The following CASD1 variants were observed in gnomAD, a reference collection of about 807,000 sequenced individuals.
CASD1 encodes CAS1 domain sialic acid O acetyltransferase 1.
Under a neutral mutation model 100.0 loss-of-function variants are expected in CASD1, and 41 were observed. The ratio of observed to expected loss-of-function variants is 0.41; its 90% confidence interval spans 0.32 to 0.53. The LOEUF (loss-of-function observed/expected upper bound fraction) is 0.53, where lower values mean the gene tolerates loss of function less well. Ranked by LOEUF, CASD1 falls within the 20% of genes least tolerant of loss-of-function variation. CASD1 has a pLI of 0.25. For missense variants in CASD1, 774 were observed against 948.7 expected (o/e 0.82, Z 2.42); for synonymous variants, 321 against 315.6 (o/e 1.02, Z -0.18).
chr7:94,523,951 G>A (rs556182103), intron 3 of CASD1, among the ~76,000 whole-genome samples: 20 of 152,046 alleles, frequency 1.3e-4, no homozygotes, highest in African/African-American at 4.1e-4. Flanking sequence ...GGGAAAGGAA[G>A]GTCTGTTCAG....
At chr7:94,553,486 C>T (rs894278577) in intron 16 of CASD1, among the ~76,000 whole-genome samples, 1 of 152,110 alleles carries the variant, frequency 6.6e-6, no homozygotes, top group African/African-American at 2.4e-5. Context: ...TTTTATGCAT[C>T]CTAGAGACTT....
chr7:94,582,163 A>G, the CASD1 span, among the ~76,000 whole-genome samples: 1 of 152,136 alleles, frequency 6.6e-6, no homozygotes, highest in Non-Finnish European at 1.5e-5. Context: ...TGTCGCCCAG[A>G]CTGAAGTGCA....
the CASD1 span, chr7:94,629,845 A>T: frequency 6.2e-7 from 1 of 1,610,448 alleles, no homozygotes; most frequent in Non-Finnish European, 8.5e-7. Context: ...CTGTACACTG[A>T]AAACAAAGAG....
At chr7:94,525,412 A>G (rs867536349) in intron 3 of CASD1, among the ~76,000 whole-genome samples, 1 of 152,218 alleles carries the variant, frequency 6.6e-6, no homozygotes, top group Admixed American at 6.5e-5. Flanking sequence ...AAAGGACCAC[A>G]TAGGTGGTTC....
the CASD1 span, chr7:94,618,797 C>T: frequency 1.2e-6 from 2 of 1,614,040 alleles, no homozygotes; most frequent in Non-Finnish European, 1.7e-6. Context: ...CACCCTGCCA[C>T]CCCTGTCTAG....
At chr7:94,550,624 C>T (rs911646237) in intron 14 of CASD1, among the ~76,000 whole-genome samples, 5 of 152,038 alleles carry the variant, frequency 3.3e-5, no homozygotes, top group African/African-American at 1.2e-4. Context: ...ATTTCATAGA[C>T]ACTTGACTTC....
At chr7:94,532,692 G>T (rs1309973971) in intron 5 of CASD1, among the ~76,000 whole-genome samples, 2 of 152,080 alleles carry the variant, frequency 1.3e-5, no homozygotes, top group Non-Finnish European at 2.9e-5. Context: ...GATTTTTAGG[G>T]ATCTCTACTT....
chr7:94,544,269 T>G (rs1714475225), intron 10 of CASD1, 142 bp from the exon 11 acceptor site: 2 of 1,017,608 alleles, frequency 2.0e-6, no homozygotes, highest in Admixed American at 2.4e-5. Context: ...CTATAATGAC[T>G]AACTTTTGAG....
chr7:94,586,999 A>T, the CASD1 span: 1 of 983,948 alleles, frequency 1.0e-6, no homozygotes, highest in Non-Finnish European at 1.2e-6. Context: ...AGAAAAATGT[A>T]AGAAAACAAG....
chr7:94,568,386 T>C, the CASD1 span, among the ~76,000 whole-genome samples: 1 of 152,254 alleles, frequency 6.6e-6, no homozygotes. Context: ...AAAATACAAA[T>C]GATATCCTGT....
intron 11 of CASD1, among the ~76,000 whole-genome samples, chr7:94,545,315 C>G (rs961109570): frequency 3.9e-5 from 6 of 151,982 alleles, no homozygotes; most frequent in Non-Finnish European, 7.4e-5. Flanking sequence ...CAGGTTGGTG[C>G]TTTGCTGGGA....
At chr7:94,546,152 C>G (rs1795667371) in intron 12 of CASD1, among the ~76,000 whole-genome samples, 1 of 151,830 alleles carries the variant, frequency 6.6e-6, no homozygotes, top group Admixed American at 6.6e-5. Flanking sequence ...CAAAAGTCTT[C>G]TTATGTCAAA....
In CASD1 at chr7:94,533,723, A is replaced by G. The variant is rs1018452492; in HGVS notation, c.549A>G (p.Gln183=). ...IHNGSSEALS[Q]YKMNITSIAP... is the part of the protein sequence containing the mutation. ...ATGGTAGCAGTGAAGCGCTTTCTCA[A>G]TATAAAATGAACATCACCTCCATAG... Residue 183 remains glutamine (Q), a synonymous_variant, in exon 7 of 18, where the codon CAA becomes CAG. Transcript: ENST00000297273. 7 of 1,606,460 alleles carry G rather than the reference A, an allele frequency of 4.4e-6. No homozygotes were observed. Among genetic ancestry groups the G allele is most frequent in the African/African-American group, 1.3e-5 (1 of 74,588 alleles).
the CASD1 span, chr7:94,618,868 A>T: frequency 6.2e-7 from 1 of 1,614,076 alleles, no homozygotes; most frequent in Non-Finnish European, 8.5e-7. Flanking sequence ...TCACTGCGCC[A>T]AGAAAGTCTC....
At chr7:94,630,787 C>G in the CASD1 span, among the ~76,000 whole-genome samples, 2 of 151,972 alleles carry the variant, frequency 1.3e-5, no homozygotes, top group African/African-American at 4.8e-5. Flanking sequence ...CCAGTTCTTT[C>G]TTTTAAGTCA....
intron 5 of CASD1, among the ~76,000 whole-genome samples, chr7:94,529,009 G>A (rs1483823533): frequency 6.6e-6 from 1 of 151,832 alleles, no homozygotes. Context: ...CAATAAATAG[G>A]CTTTTGTAGG....
At chr7:94,564,494 T>A in the CASD1 span, among the ~76,000 whole-genome samples, 1 of 152,214 alleles carries the variant, frequency 6.6e-6, no homozygotes, top group East Asian at 1.9e-4. Context: ...CTTCATCCTC[T>A]ATGATAGCTC....
At chr7:94,524,775 AAAT>A (rs1461634709) in intron 3 of CASD1, among the ~76,000 whole-genome samples, 1 of 152,158 alleles carries the variant, frequency 6.6e-6, no homozygotes, top group Non-Finnish European at 1.5e-5. Flanking sequence ...ATATTAATAA[AAAT>A]AGTATTGATA....
chr7:94,613,198 T>C, the CASD1 span, among the ~76,000 whole-genome samples: 2 of 152,230 alleles, frequency 1.3e-5, no homozygotes, highest in Non-Finnish European at 2.9e-5. Context: ...AAAAAGTATA[T>C]TTATGGCTTC....
Sources: allele counts gnomAD v4.1 joint callset (sites outside exome capture counted in the v4.1 genomes callset), GRCh38; gene constraint gnomAD v4.1.1; transcripts MANE v1.5; gene names NCBI Gene and HGNC (gene_info 2026-07-23, HGNC 2026-07-21).